The following CAMKMT variants were observed in gnomAD, a reference collection of about 807,000 sequenced individuals.
CAMKMT encodes the protein CaM KMT.
CAMKMT carries 53 observed loss-of-function variants against 48.0 expected under a neutral mutation model. The observed-to-expected ratio is 1.10, with a 90% CI of 0.89 to 1.39. CAMKMT has a LOEUF of 1.39. Ranked by LOEUF, CAMKMT falls within the 40% of genes most tolerant of loss-of-function variation. The pLI, the probability that CAMKMT is intolerant of heterozygous loss-of-function variation, is 0.00. For missense variants in CAMKMT, 428 were observed against 402.7 expected, an observed-to-expected ratio of 1.06 and a Z score of -0.54; for synonymous variants, 165 against 152.3, an observed-to-expected ratio of 1.08 and a Z score of -0.61.
intron 3 of CAMKMT, among the ~76,000 whole-genome samples, chr2:44,699,864 A>G (rs1677167727): frequency 1.3e-5 from 2 of 152,176 alleles, no homozygotes; most frequent in Non-Finnish European, 2.9e-5. Flanking sequence ...GCCCCTAACA[A>G]GAGACTCAGC....
intron 3 of CAMKMT, among the ~76,000 whole-genome samples, chr2:44,600,818 T>G (rs996645001): frequency 4.6e-5 from 7 of 152,144 alleles, no homozygotes; most frequent in African/African-American, 1.7e-4. Context: ...GAAAATGTTT[T>G]CCCTTTCTTT....
chr2:44,674,885 GA>G (rs147911016), intron 3 of CAMKMT, among the ~76,000 whole-genome samples: 12 of 146,400 alleles, frequency 8.2e-5, no homozygotes, highest in South Asian at 4.3e-4. Context: ...TCCCCACAAG[GA>G]AAAAAAAAAC....
At chr2:44,567,807 C>A (rs1446539597) in intron 3 of CAMKMT, among the ~76,000 whole-genome samples, 1 of 152,192 alleles carries the variant, frequency 6.6e-6, no homozygotes, top group Non-Finnish European at 1.5e-5. Context: ...GTTTCTTCAA[C>A]AGCTCAGCCA....
At chr2:44,400,094 T>A (rs1272290307) in intron 3 of CAMKMT, among the ~76,000 whole-genome samples, 1 of 152,184 alleles carries the variant, frequency 6.6e-6, no homozygotes, top group African/African-American at 2.4e-5. Flanking sequence ...GAATCCCAAG[T>A]CATACCCAAA....
intron 3 of CAMKMT, among the ~76,000 whole-genome samples, chr2:44,504,893 T>G (rs1243988314): frequency 6.6e-6 from 1 of 152,136 alleles, no homozygotes. Context: ...TTCTACAGCT[T>G]GTACAAGAAG....
intron 3 of CAMKMT, among the ~76,000 whole-genome samples, chr2:44,469,379 ATGT>A (rs1314665503): frequency 2.0e-5 from 3 of 150,592 alleles, no homozygotes; most frequent in Non-Finnish European, 4.4e-5. Context: ...TAATTTGGTC[ATGT>A]TGTCTGAAAA....
At chr2:44,433,161 G>A (rs1349557523) in intron 3 of CAMKMT, among the ~76,000 whole-genome samples, 1 of 152,088 alleles carries the variant, frequency 6.6e-6, no homozygotes, top group Non-Finnish European at 1.5e-5. Flanking sequence ...TTTAGTTCAA[G>A]TTAAAATAGT....
chr2:44,498,155 AT>A (rs1669846972), intron 3 of CAMKMT, among the ~76,000 whole-genome samples: 3 of 152,070 alleles, frequency 2.0e-5, no homozygotes. Context: ...TAGCACCTTT[AT>A]TTATTTATTA....
At chr2:44,418,303 A>G (rs149776759) in intron 3 of CAMKMT, among the ~76,000 whole-genome samples, 60 of 152,036 alleles carry the variant, frequency 3.9e-4, no homozygotes, top group East Asian at 1.5e-3. Context: ...GTTTAAAAAA[A>G]TCTATGAATT....
chr2:44,679,618 A>G (rs1006799661), intron 3 of CAMKMT, among the ~76,000 whole-genome samples: 6 of 152,240 alleles, frequency 3.9e-5, no homozygotes, highest in African/African-American at 1.2e-4. Flanking sequence ...TCAGAAAACT[A>G]ATTTTAACGT....
At chr2:44,608,920 T>G (rs1671448875) in intron 3 of CAMKMT, among the ~76,000 whole-genome samples, 1 of 152,240 alleles carries the variant, frequency 6.6e-6, no homozygotes, top group Admixed American at 6.5e-5. Flanking sequence ...TTTTCCAGTT[T>G]TTACTTTGAA....
At chr2:44,615,849 G>A (rs1671860362) in intron 3 of CAMKMT, among the ~76,000 whole-genome samples, 1 of 152,140 alleles carries the variant, frequency 6.6e-6, no homozygotes, top group African/African-American at 2.4e-5. Flanking sequence ...TGCCAACTGT[G>A]CAGTTAGGGA....
intron 3 of CAMKMT, among the ~76,000 whole-genome samples, chr2:44,536,423 C>G (rs1030576792): frequency 6.6e-6 from 1 of 151,618 alleles, no homozygotes; most frequent in African/African-American, 2.4e-5. Flanking sequence ...CTCCTGGGTT[C>G]CAGTGATTCT....
intron 3 of CAMKMT, among the ~76,000 whole-genome samples, chr2:44,413,281 T>C (rs1016873309): frequency 6.6e-6 from 1 of 151,844 alleles, no homozygotes; most frequent in East Asian, 1.9e-4. Flanking sequence ...TCTCAAAATG[T>C]AGGGTCAAAT....
At chr2:44,563,759 A>G (rs548550771) in intron 3 of CAMKMT, among the ~76,000 whole-genome samples, 4 of 152,258 alleles carry the variant, frequency 2.6e-5, no homozygotes, top group Middle Eastern at 3.4e-3. Context: ...TTTGCTCAGA[A>G]TGATGGTTTC....
intron 2 of CAMKMT, among the ~76,000 whole-genome samples, chr2:44,383,657 A>C (rs1680487446): frequency 6.6e-6 from 1 of 152,088 alleles, no homozygotes; most frequent in Non-Finnish European, 1.5e-5. Context: ...AAGTCCCCAA[A>C]GTCCATTGTA....
intron 3 of CAMKMT, among the ~76,000 whole-genome samples, chr2:44,412,070 G>C (rs962172191): frequency 2.1e-5 from 3 of 142,394 alleles, no homozygotes; most frequent in Non-Finnish European, 4.5e-5. Context: ...ACTCTTCTAG[G>C]ATAAAGACAT....
chr2:44,431,874 TG>T (rs1455761579), intron 3 of CAMKMT, among the ~76,000 whole-genome samples: 1 of 152,144 alleles, frequency 6.6e-6, no homozygotes, highest in African/African-American at 2.4e-5. Flanking sequence ...CAATTGTAAG[TG>T]TTCAGAGAAG....
At chr2:44,601,208 G>C (rs146202855) in intron 3 of CAMKMT, among the ~76,000 whole-genome samples, 62 of 152,180 alleles carry the variant, frequency 4.1e-4, no homozygotes, top group Admixed American at 1.6e-3. Context: ...TGTAATCCCA[G>C]CACTTTGGGA....
Sources: gnomAD v4.1 joint callset for allele counts (sites outside exome capture counted in the v4.1 genomes callset) on GRCh38, gnomAD v4.1.1 for gene constraint, MANE v1.5 for transcripts, NCBI Gene and HGNC (gene_info 2026-07-23, HGNC 2026-07-21) for gene names.